The following SLC25A13 variants were observed in gnomAD, a reference collection of about 807,000 sequenced individuals.
SLC25A13 encodes solute carrier family 25 member 13.
A neutral mutation model predicts 85.5 loss-of-function variants in SLC25A13; 70 were observed. That is an observed-to-expected ratio of 0.82 (90% CI 0.68 to 1.00). SLC25A13 has a LOEUF of 1.00. Ranked by LOEUF, SLC25A13 falls within the 50% of genes least tolerant of loss-of-function variation. SLC25A13 has a pLI of 0.00. For synonymous variants in SLC25A13, 259 were observed against 288.7 expected (o/e 0.90, Z 1.04); for missense variants, 765 against 819.8 (o/e 0.93, Z 0.82).
chr7:96,157,827 C>G (rs1253137239), intron 13 of SLC25A13, among the ~76,000 whole-genome samples: 3 of 152,006 alleles, frequency 2.0e-5, no homozygotes, highest in African/African-American at 7.3e-5. Context: ...AACAAACAAA[C>G]AAACAGAATT....
chr7:96,265,281 T>C (rs1481580108), intron 3 of SLC25A13, among the ~76,000 whole-genome samples: 1 of 152,210 alleles, frequency 6.6e-6, no homozygotes. Context: ...CTCTATATTA[T>C]GCAGATCATC....
At chr7:96,263,742 C>T (rs1305272986) in intron 3 of SLC25A13, among the ~76,000 whole-genome samples, 2 of 152,186 alleles carry the variant, frequency 1.3e-5, no homozygotes, top group Non-Finnish European at 2.9e-5. Context: ...CCTTCAAACA[C>T]TAAGGCCTCC....
intron 2 of SLC25A13, among the ~76,000 whole-genome samples, chr7:96,293,775 A>G (rs1425095300): frequency 6.6e-6 from 1 of 152,204 alleles, no homozygotes; most frequent in Non-Finnish European, 1.5e-5. Context: ...AAAAGTCAGG[A>G]AACAACAGGA....
intron 3 of SLC25A13, among the ~76,000 whole-genome samples, chr7:96,270,568 A>AG (rs1562891827): frequency 1.3e-5 from 2 of 152,010 alleles, no homozygotes; most frequent in African/African-American, 4.8e-5. Context: ...AAAAAAAAAA[A>AG]AGAGAAATAT....
intron 4 of SLC25A13, among the ~76,000 whole-genome samples, chr7:96,216,422 CAT>C (rs1795902695): frequency 6.6e-6 from 1 of 152,076 alleles, no homozygotes. Context: ...GCATATACAT[CAT>C]TCTATTATAA....
At chr7:96,255,185 T>C (rs1797585657) in intron 3 of SLC25A13, among the ~76,000 whole-genome samples, 1 of 152,202 alleles carries the variant, frequency 6.6e-6, no homozygotes, top group Admixed American at 6.5e-5. Flanking sequence ...TATCTAATTG[T>C]TGGCAGCAAT....
Position 96,230,395 on chromosome 7 carries a change from A to G in SLC25A13, c.328+4407T>C, listed in dbSNP as rs1312708097. Reference sequence around the variant, plus strand: ...TTCTGATCTGGCTCGTGGTAAGCAGATCCAGATGTAAAAGTTCAGAAAGAT... The same window carrying G: ...TTCTGATCTGGCTCGTGGTAAGCAGGTCCAGATGTAAAAGTTCAGAAAGAT... On this transcript the variant is annotated intron_variant, in intron 4 of 17. Coordinates refer to ENST00000265631, the MANE Select transcript of SLC25A13 (RefSeq NM_014251.3). Among the ~76,000 whole-genome samples the G allele has an allele frequency of 2.6e-5, 4 of 152,352 alleles. No homozygotes were observed. The East Asian group carries it at 5.8e-4, about 22-fold the overall frequency.
intron 14 of SLC25A13, among the ~76,000 whole-genome samples, chr7:96,140,397 C>CTTTTT (rs59863233): frequency 7.4e-4 from 65 of 88,136 alleles, no homozygotes; most frequent in Non-Finnish European, 1.1e-3. Flanking sequence ...CAAGGATCTC[C>CTTTTT]TTTTTTTTTT....
At chr7:96,215,626 A>G (rs1201174586) in intron 4 of SLC25A13, among the ~76,000 whole-genome samples, 1 of 152,210 alleles carries the variant, frequency 6.6e-6, no homozygotes, top group Non-Finnish European at 1.5e-5. Context: ...CCTGTATACA[A>G]AAATTAACTC....
chr7:96,176,537 T>C lies in SLC25A13; in HGVS notation c.1178-5013A>G, dbSNP rs1161435582. On this transcript the variant is annotated intron_variant, in intron 11 of 17. Coordinates refer to ENST00000265631, the MANE Select transcript of SLC25A13 (RefSeq NM_014251.3). ...TTTACAGGGTACAGTATTAATGTAGTATTTTGTCTTCACATTTCATGGGTT... is the reference window on the plus strand; with the variant it reads ...TTTACAGGGTACAGTATTAATGTAGCATTTTGTCTTCACATTTCATGGGTT... Among the ~76,000 whole-genome samples, 4 of 152,202 alleles carry C rather than the reference T, an allele frequency of 2.6e-5. No homozygotes were observed. In the South Asian group the frequency reaches 6.2e-4, roughly 24 times the overall value.
intron 13 of SLC25A13, among the ~76,000 whole-genome samples, chr7:96,154,567 G>T (rs1041099462): frequency 4.6e-5 from 7 of 152,138 alleles, no homozygotes; most frequent in Non-Finnish European, 1.0e-4. Context: ...AGAGTGCTGG[G>T]ATTACAGGCG....
At chr7:96,145,172 C>T (rs1792730413) in intron 14 of SLC25A13, among the ~76,000 whole-genome samples, 1 of 152,042 alleles carries the variant, frequency 6.6e-6, no homozygotes, top group Admixed American at 6.5e-5. Flanking sequence ...AGGTTTATTC[C>T]TAAGTACCAC....
chr7:96,279,460 G>A (rs530746162), intron 2 of SLC25A13, among the ~76,000 whole-genome samples: 9 of 152,256 alleles, frequency 5.9e-5, no homozygotes, highest in East Asian at 3.9e-4. Flanking sequence ...GGTGGAAGGC[G>A]AATGAGGAGC....
intron 4 of SLC25A13, among the ~76,000 whole-genome samples, chr7:96,232,858 A>G (rs1796604602): frequency 6.6e-6 from 1 of 152,218 alleles, no homozygotes; most frequent in African/African-American, 2.4e-5. Context: ...TCCTTCAGCT[A>G]GTAAGAAGCA....
chr7:96,194,944 G>A (rs1795003744), intron 5 of SLC25A13, among the ~76,000 whole-genome samples: 1 of 152,184 alleles, frequency 6.6e-6, no homozygotes, highest in South Asian at 2.1e-4. Context: ...TGGGATCCCA[G>A]TCTTTCTGGA....
chr7:96,185,334 A>G (rs1329737146), intron 9 of SLC25A13, among the ~76,000 whole-genome samples: 2 of 152,208 alleles, frequency 1.3e-5, no homozygotes, highest in Admixed American at 6.5e-5. Context: ...ACGGTGGCTC[A>G]CGCCTGTAAT....
chr7:96,131,762 G>A lies in SLC25A13; in HGVS notation c.1572C>T (p.Leu524=), dbSNP rs1399713540. ...ACTCACCAGCTATGGCACCAGCTAA[G>A]AGCAGGCTTCCTGGGCTAACCTGCC... ...EDGQVSPGSL[L]LAGAIAGMPA... Residue 524 remains leucine, a synonymous_variant, in exon 15 of 18, where the codon CTC becomes CTT. Transcript: ENST00000265631. 3.1e-6 allele frequency: 5 copies of A among 1,614,094 alleles called. No individual in the cohort carries two copies. The highest frequency in any genetic ancestry group is 4.2e-6 in the Non-Finnish European group (5 of 1,180,014).
intron 3 of SLC25A13, among the ~76,000 whole-genome samples, chr7:96,265,331 A>C (rs975330157): frequency 8.5e-5 from 13 of 152,338 alleles, no homozygotes; most frequent in African/African-American, 3.1e-4. Context: ...TTTAAAAGCC[A>C]CATTCATTAA....
rs142661261 is a variant in SLC25A13, at chr7:96,244,831, G to A, written c.213-9914C>T. Among the ~76,000 whole-genome samples, 637 of 152,330 alleles carry A rather than the reference G, an allele frequency of 4.2e-3. 2 individuals carry two copies. The highest frequency in any genetic ancestry group is 7.3e-3 in the Non-Finnish European group (498 of 68,036). Reference sequence around the variant, plus strand: ...GGCAGATTGAATATTGTTCAAACAAGCAGGCTACTGCCTGGCTTTAAAAAC... The same window carrying A: ...GGCAGATTGAATATTGTTCAAACAAACAGGCTACTGCCTGGCTTTAAAAAC... On this transcript the variant is annotated intron_variant, in intron 3 of 17. Transcript: ENST00000265631.
Sources: allele counts gnomAD v4.1 joint callset (sites outside exome capture counted in the v4.1 genomes callset), GRCh38; gene constraint gnomAD v4.1.1; transcripts MANE v1.5; gene names NCBI Gene and HGNC (gene_info 2026-07-23, HGNC 2026-07-21).